The following DOCK2 variants were observed in gnomAD, a reference collection of about 807,000 sequenced individuals.
The protein encoded by DOCK2 is dedicator of cytokinesis 2, also known as dedicator of cytokinesis protein 2.
Under a neutral mutation model 248.9 loss-of-function variants are expected in DOCK2, and 87 were observed. That is an observed-to-expected ratio of 0.35 (90% CI 0.29 to 0.42). DOCK2 has a LOEUF of 0.42. Ranked by LOEUF, DOCK2 falls within the 10% of genes least tolerant of loss-of-function variation. The probability of loss-of-function intolerance (pLI) is 1.00; values close to 1 mark genes in which losing one functional copy is unlikely to be tolerated. For missense variants in DOCK2, 1,747 were observed against 2,300.2 expected, an observed-to-expected ratio of 0.76 and a Z score of 4.92; for synonymous variants, 805 against 821.6, an observed-to-expected ratio of 0.98 and a Z score of 0.35.
intron 25 of DOCK2, among the ~76,000 whole-genome samples, chr5:169,780,608 G>A (rs970867735): frequency 1.3e-5 from 2 of 152,164 alleles, no homozygotes; most frequent in African/African-American, 2.4e-5. Context: ...CGTAACACCA[G>A]CTTCCTGACT....
chr5:169,988,549 G>A (rs1223025542), intron 29 of DOCK2, among the ~76,000 whole-genome samples: 3 of 151,860 alleles, frequency 2.0e-5, no homozygotes, highest in Non-Finnish European at 4.4e-5. Context: ...TTTCTATCTT[G>A]TTGCCGAGGC....
intron 33 of DOCK2, among the ~76,000 whole-genome samples, chr5:170,021,210 G>A (rs1345383865): frequency 2.0e-5 from 3 of 152,204 alleles, no homozygotes; most frequent in Non-Finnish European, 4.4e-5. Context: ...GGGATAGGGG[G>A]AGTGGAAGGT....
intron 27 of DOCK2, among the ~76,000 whole-genome samples, chr5:169,851,957 G>A (rs1267133297): frequency 6.6e-6 from 1 of 152,186 alleles, no homozygotes; most frequent in Non-Finnish European, 1.5e-5. Context: ...TGGGGACACA[G>A]CAAAACCATA....
intron 46 of DOCK2, among the ~76,000 whole-genome samples, chr5:170,071,974 A>T (rs987568612): frequency 1.3e-5 from 2 of 152,246 alleles, no homozygotes; most frequent in African/African-American, 4.8e-5. Context: ...GCTATATAGT[A>T]GTCCGTACAG....
intron 25 of DOCK2, among the ~76,000 whole-genome samples, chr5:169,787,621 C>G (rs974688127): frequency 3.9e-5 from 6 of 151,998 alleles, no homozygotes; most frequent in Non-Finnish European, 5.9e-5. Context: ...TGTTGTGGCT[C>G]CCTTGTCCCA....
At chr5:169,919,197 A>G (rs1477987516) in intron 27 of DOCK2, among the ~76,000 whole-genome samples, 3 of 152,188 alleles carry the variant, frequency 2.0e-5, no homozygotes, top group African/African-American at 7.2e-5. Context: ...ATTGTTTTGA[A>G]TTGAAGTAAC....
intron 25 of DOCK2, among the ~76,000 whole-genome samples, chr5:169,796,106 G>A (rs1033089220): frequency 2.0e-5 from 3 of 152,240 alleles, no homozygotes; most frequent in Admixed American, 6.5e-5. Flanking sequence ...GCTTAGAAAC[G>A]TGGGCACTCA....
intron 27 of DOCK2, among the ~76,000 whole-genome samples, chr5:169,879,360 T>C (rs138769933): frequency 3.9e-5 from 6 of 152,304 alleles, no homozygotes; most frequent in African/African-American, 1.4e-4. Flanking sequence ...GTCATTTGAA[T>C]GTTTTCTAAA....
chr5:169,986,027 T>C (rs917521694), intron 29 of DOCK2, 105 bp downstream of exon 29: 2 of 1,082,336 alleles, frequency 1.8e-6, no homozygotes, highest in Non-Finnish European at 2.7e-6. Context: ...TGAAAAGAAA[T>C]TAAAGTGTTA....
chr5:170,034,471 C>G lies in DOCK2; in HGVS notation c.3540C>G (p.Gly1180=). 1.2e-6 allele frequency: 2 copies of G among 1,614,170 alleles called. No individual in the cohort carries two copies. The highest frequency in any genetic ancestry group is 8.5e-7 in the Non-Finnish European group (1 of 1,180,026). Residue 1180 remains glycine (G), a synonymous_variant, in exon 35 of 52, where the codon GGC becomes GGG. Coordinates refer to ENST00000520908, the MANE Select transcript of DOCK2 (RefSeq NM_004946.3). ...AGAACTTCGTGAACCTGGTCAAAGG[C>G]CTCCTGGAGAAGCTGCTGGATTACC... ...SVENFVNLVK[G]LLEKLLDYRG...
At chr5:169,824,728 C>G (rs1768729280) in intron 26 of DOCK2, among the ~76,000 whole-genome samples, 1 of 152,148 alleles carries the variant, frequency 6.6e-6, no homozygotes, top group Admixed American at 6.5e-5. Flanking sequence ...GACTTCATGC[C>G]TAAAACACCA....
At chr5:169,719,044 G>A (rs763522180) in intron 22 of DOCK2, among the ~76,000 whole-genome samples, 1 of 152,176 alleles carries the variant, frequency 6.6e-6, no homozygotes, top group Non-Finnish European at 1.5e-5. Flanking sequence ...GCTCTTCTGT[G>A]TTTCATCTAA....
At chr5:169,776,152 TATAA>T (rs11467837) in intron 25 of DOCK2, among the ~76,000 whole-genome samples, 2,856 of 145,674 alleles carry the variant, frequency 0.02, 105 homozygotes, top group African/African-American at 0.067. Flanking sequence ...ATTATATTTA[TATAA>T]ATATATATAT....
At chr5:169,730,689 T>G (rs1762723782) in intron 22 of DOCK2, among the ~76,000 whole-genome samples, 1 of 152,188 alleles carries the variant, frequency 6.6e-6, no homozygotes, top group Non-Finnish European at 1.5e-5. Flanking sequence ...GGACATCCTG[T>G]GTTTCCTCAA....
intron 27 of DOCK2, among the ~76,000 whole-genome samples, chr5:169,879,298 T>C (rs537489073): frequency 6.6e-6 from 1 of 152,208 alleles, no homozygotes; most frequent in East Asian, 1.9e-4. Flanking sequence ...TTCACATCAC[T>C]TATTCATTCG....
At chr5:169,808,678 G>A (rs143977083) in intron 26 of DOCK2, among the ~76,000 whole-genome samples, 384 of 152,210 alleles carry the variant, frequency 2.5e-3, no homozygotes, top group African/African-American at 8.6e-3. Context: ...GCTGGCTGCC[G>A]AGTAACTGAT....
At chr5:169,845,710 G>A (rs1027295833) in intron 27 of DOCK2, among the ~76,000 whole-genome samples, 2 of 152,192 alleles carry the variant, frequency 1.3e-5, no homozygotes, top group African/African-American at 2.4e-5. Flanking sequence ...GCCTTGCAAA[G>A]GTTGTAAGTT....
intron 2 of DOCK2, among the ~76,000 whole-genome samples, chr5:169,658,457 G>A (rs1359026260): frequency 2.5e-5 from 3 of 118,812 alleles, no homozygotes; most frequent in Middle Eastern, 9.6e-3. Context: ...TCCAGCCTGG[G>A]AGACAGAGCA....
At chr5:169,730,453 C>G (rs1005792618) in intron 22 of DOCK2, among the ~76,000 whole-genome samples, 1 of 152,146 alleles carries the variant, frequency 6.6e-6, no homozygotes, top group Non-Finnish European at 1.5e-5. Context: ...GACAGCGAGT[C>G]AGAGGCTACC....
Sources: allele counts gnomAD v4.1 joint callset (sites outside exome capture counted in the v4.1 genomes callset), GRCh38; gene constraint gnomAD v4.1.1; transcripts MANE v1.5; gene names NCBI Gene and HGNC (gene_info 2026-07-23, HGNC 2026-07-21).